The following GTF3C4 variants were observed in gnomAD, a reference collection of about 807,000 sequenced individuals.
GTF3C4 encodes general transcription factor IIIC subunit 4.
Under a neutral mutation model 67.5 loss-of-function variants are expected in GTF3C4, and 28 were observed. The observed-to-expected ratio is 0.41, with a 90% CI of 0.31 to 0.57. The LOEUF (loss-of-function observed/expected upper bound fraction) is 0.57. Ranked by LOEUF, GTF3C4 falls within the 20% of genes least tolerant of loss-of-function variation. The pLI is 0.21. For synonymous variants in GTF3C4, 409 were observed against 393.0 expected (o/e 1.04, Z -0.48); for missense variants, 831 against 1,033.2 (o/e 0.80, Z 2.68).
In GTF3C4 at chr9:132,688,974, A is replaced by G. The variant is rs1836072388; in HGVS notation, c.*29A>G. Reference sequence around the variant, plus strand: ...ATCAGTGACGGGAAGATGGAAGGGCATGATGAACTCTGCCATAGAAAACTT... The same window carrying G: ...ATCAGTGACGGGAAGATGGAAGGGCGTGATGAACTCTGCCATAGAAAACTT... On this transcript the variant is annotated 3_prime_UTR_variant, in exon 5 of 5. Coordinates refer to ENST00000372146, the MANE Select transcript of GTF3C4 (RefSeq NM_012204.4). 1.3e-6 allele frequency: 2 copies of G among 1,524,506 alleles called. No homozygotes were observed. The highest frequency in any genetic ancestry group is 1.4e-5 in the African/African-American group (1 of 73,194). The allele number at this position is 1,524,506 out of a possible 1,614,324, so 94.4% of individuals were successfully genotyped here.
chr9:132,670,935 C>G lies in GTF3C4; in HGVS notation c.337C>G (p.Leu113Val), dbSNP rs771315466. 5 of 1,610,760 alleles carry G rather than the reference C, an allele frequency of 3.1e-6. No individual in the cohort carries two copies. The South Asian group carries it at 5.5e-5, about 18-fold the overall frequency. Residue 113 changes from leucine (L) to valine (V), a missense_variant, in exon 1 of 5, where the codon CTC becomes GTC. Physicochemically the swap from Leu to Val is conservative, Grantham distance 32 (BLOSUM62 1). This residue lies in a region of GTF3C4 where 237 missense variants were observed against 212.7 expected (regional missense o/e 1.11). Transcript: ENST00000372146. ...VIHRTSVPAPLNSCLLKVGSK... is the reference protein window; with the variant it reads ...VIHRTSVPAPVNSCLLKVGSK... ...CCACCGCACCTCGGTGCCCGCACCG[C>G]TCAACAGCTGTCTCCTCAAAGTAAG...
In GTF3C4 at chr9:132,683,543, T is replaced by C. The variant is rs371882602; in HGVS notation, c.2185-20T>C. 1.9e-6 allele frequency: 3 copies of C among 1,601,732 alleles called. No individual in the cohort carries two copies. The highest frequency in any genetic ancestry group is 2.5e-6 in the Non-Finnish European group (3 of 1,176,616). On this transcript the variant is annotated intron_variant, in intron 2 of 4. Coordinates refer to ENST00000372146, the MANE Select transcript of GTF3C4 (RefSeq NM_012204.4). ...ATCCTGCACTTACACTAAACTTTGC[T>C]GACTACTTTGTCTTACTAGGTGCTG...
At chr9:132,681,924 G>T (rs113770819) in intron 2 of GTF3C4, among the ~76,000 whole-genome samples, 57 of 148,338 alleles carry the variant, frequency 3.8e-4, no homozygotes, top group Non-Finnish European at 7.0e-4. Flanking sequence ...GGAGTTCAAG[G>T]CCAGCCTGAG....
Position 132,678,305 on chromosome 9 carries a change from C to T in GTF3C4, c.686C>T (p.Pro229Leu), listed in dbSNP as rs143033367. 397 of 1,613,948 alleles carry T rather than the reference C, an allele frequency of 2.5e-4. 1 individual carries two copies. Among genetic ancestry groups the T allele is most frequent in the Non-Finnish European group, 2.8e-4 (328 of 1,180,018 alleles). The change falls in exon 2 of 5, where the codon CCG becomes CTG. Residue 229 changes from proline to leucine, a missense_variant. Pro to Leu is a moderately conservative substitution (Grantham distance 98). This residue lies in a region of GTF3C4 where 390 missense variants were observed against 540.3 expected (regional missense o/e 0.72). Transcript: ENST00000372146. This position sits in a 1 kb window ranked among gnomAD's most constrained non-coding sequence, Gnocchi z 6.5. ...TACAGGCTCTCTAAAAATGAGGCCC[C>T]GGAAGGAAATCTCGGGGATTTTGCT... The part of the protein sequence containing the change: ...TSYRLSKNEA[P>L]EGNLGDFAEF...
In GTF3C4 at chr9:132,678,573, G is replaced by C; in HGVS notation, c.954G>C (p.Trp318Cys). 1 of 1,614,182 alleles carries C rather than the reference G, an allele frequency of 6.2e-7. No individual in the cohort carries two copies. Among genetic ancestry groups the C allele is most frequent in the Non-Finnish European group, 8.5e-7 (1 of 1,180,018 alleles). Residue 318 changes from tryptophan to cysteine, a missense_variant, in exon 2 of 5, where the codon TGG becomes TGC. By Grantham distance (215) the Trp-to-Cys change is radical. Coordinates refer to ENST00000372146, the MANE Select transcript of GTF3C4 (RefSeq NM_012204.4). This position sits in a 1 kb window ranked among gnomAD's most constrained non-coding sequence, Gnocchi z 6.5. ...SGITSPSVLFWWEYEHNNRKM... is the reference protein window; with the variant it reads ...SGITSPSVLFCWEYEHNNRKM... ...TCACCTCTCCCAGTGTATTGTTTTG[G>C]TGGGAATATGAGCACAATAATCGAA...
At position 132,670,481 on chromosome 9, in the gene GTF3C4, CG is replaced by C. The variant is rs1835689012; in HGVS notation, c.-114del. The C allele has an allele frequency of 2.0e-6, 2 of 1,019,092 alleles. No individual in the cohort carries two copies. Among genetic ancestry groups the C allele is most frequent in the Non-Finnish European group, 2.7e-6 (2 of 753,180 alleles). 63.1% of individuals were successfully genotyped at this position (1,019,092 alleles called of 1,614,324 possible). On this transcript the variant is annotated 5_prime_UTR_variant, in exon 1 of 5. Coordinates refer to ENST00000372146, the MANE Select transcript of GTF3C4 (RefSeq NM_012204.4). ...GGGTCCTTCTTGGCTCGGCGGCGCT[CG>C]GGGCCTGAGGGGAGAAAACCGCCGC...
At position 132,670,735 on chromosome 9, in the gene GTF3C4, C is replaced by T; in HGVS notation, c.137C>T (p.Ala46Val). The change falls in exon 1 of 5, where the codon GCA becomes GTA. Residue 46 changes from alanine (A) to valine (V), a missense_variant. Coordinates refer to ENST00000372146, the MANE Select transcript of GTF3C4 (RefSeq NM_012204.4). ...AADAAPGPSA[A>V]FRLMVTRREP... is the part of the protein sequence containing the mutation. ...GACGCGGCCCCGGGGCCCAGCGCTG[C>T]ATTCCGCCTCATGGTGACTCGGCGG... The T allele has an allele frequency of 1.3e-6, 2 of 1,544,288 alleles. No homozygotes were observed. The highest frequency in any genetic ancestry group is 1.7e-6 in the Non-Finnish European group (2 of 1,151,960).
At chr9:132,676,879 A>G (rs981433175) in intron 1 of GTF3C4, among the ~76,000 whole-genome samples, 2 of 152,222 alleles carry the variant, frequency 1.3e-5, no homozygotes, top group African/African-American at 2.4e-5. Context: ...CCTCTTTGAA[A>G]AAGGAAATTG....
chr9:132,675,895 CTTTTTT>C (rs72145516), intron 1 of GTF3C4, among the ~76,000 whole-genome samples: 1 of 89,040 alleles, frequency 1.1e-5, no homozygotes, highest in Non-Finnish European at 2.0e-5. Flanking sequence ...TCCAGTTACC[CTTTTTT>C]TTTTTTTTTT....
intron 4 of GTF3C4, 125 bp downstream of exon 4, chr9:132,687,452 GT>G: frequency 2.9e-6 from 1 of 349,370 alleles, no homozygotes; most frequent in South Asian, 3.4e-5. Flanking sequence ...GGGGTGGGGG[GT>G]GGGGAGTAGG....
chr9:132,693,935 AT>A lies in GTF3C4; in HGVS notation c.*4991del. On this transcript the variant is annotated 3_prime_UTR_variant, in exon 5 of 5. Transcript: ENST00000372146. ...TGTTGTGTATAGTGATACATGTTTT[AT>A]GTTTACCCAATGCCTGTACTAAATC... is the stretch of plus-strand genomic sequence containing the variant. 6.6e-6 allele frequency: 1 copy of A among 152,298 alleles called. No homozygotes were observed. The highest frequency in any genetic ancestry group is 2.1e-4 in the South Asian group (1 of 4,828). 9.4% of individuals were successfully genotyped at this position (152,298 alleles called of 1,614,324 possible). A position where few individuals can be genotyped will look rare whatever the true frequency, so the allele number is the denominator to read the frequency against.
chr9:132,676,178 C>T (rs868684027), intron 1 of GTF3C4, among the ~76,000 whole-genome samples: 1 of 151,786 alleles, frequency 6.6e-6, no homozygotes, highest in Non-Finnish European at 1.5e-5. Flanking sequence ...GGATTACAGG[C>T]GTGAGCCACC....
Position 132,690,828 on chromosome 9 carries a change from A to G in GTF3C4, c.*1883A>G, listed in dbSNP as rs1412862065. ...AAAATTGAGATCATGTCAAAAAATT[A>G]TTGCAGTTTTAATCATTATGGCATA... On this transcript the variant is annotated 3_prime_UTR_variant, in exon 5 of 5. Coordinates refer to ENST00000372146, the MANE Select transcript of GTF3C4 (RefSeq NM_012204.4). The G allele has an allele frequency of 2.6e-5, 4 of 152,128 alleles. No homozygotes were observed. The highest frequency in any genetic ancestry group is 5.9e-5 in the Non-Finnish European group (4 of 68,024). 9.4% of individuals were successfully genotyped at this position (152,128 alleles called of 1,614,324 possible).
At chr9:132,686,019 G>A (rs534596080) in intron 3 of GTF3C4, among the ~76,000 whole-genome samples, 10 of 152,358 alleles carry the variant, frequency 6.6e-5, no homozygotes, top group Admixed American at 1.3e-4. Flanking sequence ...TCCATCCAAA[G>A]ATTATTCATT....
At chr9:132,682,748 G>A (rs1453764101) in intron 2 of GTF3C4, among the ~76,000 whole-genome samples, 1 of 151,834 alleles carries the variant, frequency 6.6e-6, no homozygotes, top group Non-Finnish European at 1.5e-5. Flanking sequence ...GGAATTACAG[G>A]TATGTGCCAC....
chr9:132,685,602 C>A (rs761786393), intron 3 of GTF3C4, among the ~76,000 whole-genome samples: 16 of 152,050 alleles, frequency 1.1e-4, no homozygotes, highest in Non-Finnish European at 2.1e-4. Flanking sequence ...ATCCTCCTGC[C>A]TCAGCCTCCT....
chr9:132,670,195 A>T (rs150602657), upstream of GTF3C4: 63 of 1,580,998 alleles, frequency 4.0e-5, no homozygotes, highest in Non-Finnish European at 5.4e-5. Context: ...TTCGGCCGAG[A>T]GTTCACGCTG....
intron 1 of GTF3C4, among the ~76,000 whole-genome samples, chr9:132,674,968 C>T (rs1434048093): frequency 1.3e-5 from 2 of 152,028 alleles, no homozygotes; most frequent in Non-Finnish European, 2.9e-5. Flanking sequence ...GAGGTTGAGG[C>T]GGCAGTGAGC....
At chr9:132,674,097 GA>G (rs1366687932) in intron 1 of GTF3C4, among the ~76,000 whole-genome samples, 1 of 152,212 alleles carries the variant, frequency 6.6e-6, no homozygotes, top group Non-Finnish European at 1.5e-5. Context: ...CTGTCCTCAA[GA>G]AGCTTACTGT....
Sources: gnomAD v4.1 joint callset for allele counts (sites outside exome capture counted in the v4.1 genomes callset) on GRCh38, gnomAD v4.1.1 for gene constraint, gnomAD v4.1.1 regional missense constraint, Gnocchi (gnomAD v3.1) non-coding constraint, MANE v1.5 for transcripts, NCBI Gene and HGNC (gene_info 2026-07-23, HGNC 2026-07-21) for gene names.